Variants in DOC2B observed in about 807,000 individuals in gnomAD.
The protein encoded by DOC2B is double C2-like domain-containing protein beta.
DOC2B carries 21 observed loss-of-function variants against 28.9 expected under a neutral mutation model. That is an observed-to-expected ratio of 0.73 (90% CI 0.52 to 1.05). The LOEUF is 1.05. Among genes scored for constraint, DOC2B ranks in the 50% least tolerant of loss-of-function variants. The probability of loss-of-function intolerance (pLI) is 0.00; values close to 1 mark genes in which losing one functional copy is unlikely to be tolerated. For missense variants in DOC2B, 384 were observed against 421.1 expected (o/e 0.91, Z 0.77); for synonymous variants, 194 against 178.1 (o/e 1.09, Z -0.71).
chr17:147,826 G>A (rs2040032270), intron 8 of DOC2B, among the ~76,000 whole-genome samples: 1 of 152,220 alleles, frequency 6.6e-6, no homozygotes, highest in Admixed American at 6.5e-5. Flanking sequence ...CAAGGAATGG[G>A]GGCCTGAAGA....
intron 5 of DOC2B, 130 bp downstream of exon 5, chr17:161,285 G>T: frequency 1.0e-6 from 1 of 982,566 alleles, no homozygotes; most frequent in Non-Finnish European, 1.5e-6. Flanking sequence ...GACTCTCCAT[G>T]CTCACCTCCC....
intron 2 of DOC2B, among the ~76,000 whole-genome samples, chr17:170,578 A>G (rs1339426392): frequency 2.0e-5 from 3 of 152,180 alleles, no homozygotes; most frequent in African/African-American, 2.4e-5. Context: ...GGGCTGGCTC[A>G]GGCCCTTACA....
intron 6 of DOC2B, 149 bp downstream of exon 6, chr17:156,071 G>A: frequency 2.4e-6 from 2 of 845,984 alleles, no homozygotes; most frequent in Admixed American, 3.2e-5. Context: ...AACCCCTGGA[G>A]TTGCCAAGGT....
chr17:174,881 G>A (rs1052644743), intron 1 of DOC2B, among the ~76,000 whole-genome samples: 6 of 152,218 alleles, frequency 3.9e-5, no homozygotes, highest in African/African-American at 1.4e-4. Context: ...CAGTTTGGGA[G>A]GCCGAAGCAG....
At chr17:157,362 C>A (rs993383965) in intron 5 of DOC2B, among the ~76,000 whole-genome samples, 1 of 152,184 alleles carries the variant, frequency 6.6e-6, no homozygotes, top group Non-Finnish European at 1.5e-5. Context: ...GTCCCCTCTG[C>A]GCGCCCACTG....
Position 181,173 on chromosome 17 carries a change from C to A in DOC2B, c.307G>T (p.Ala103Ser), listed in dbSNP as rs2040437973. ...TCCGGCGGCTTGGCTGGCGGCCGCG[C>A]GGGGCTGGGACCCGGGCTGGGGCCC... ...SPGPSPGPSPARPPAKPPEDE... is the reference protein window; with the variant it reads ...SPGPSPGPSPSRPPAKPPEDE... Residue 103 changes from alanine to serine, a missense_variant, in exon 1 of 9, where the codon GCG becomes TCG. Coordinates refer to ENST00000613549, the MANE Select transcript of DOC2B (RefSeq NM_003585.5). The surrounding 1 kb of genome is among the most constrained non-coding windows in gnomAD (Gnocchi z 7.0). 1 of 1,251,878 alleles carries A rather than the reference C, an allele frequency of 8.0e-7. No individual in the cohort carries two copies. The highest frequency in any genetic ancestry group is 1.0e-6 in the Non-Finnish European group (1 of 999,232). 77.5% of individuals were successfully genotyped at this position (1,251,878 alleles called of 1,614,324 possible).
chr17:158,121 GC>G (rs1555522783), intron 5 of DOC2B, among the ~76,000 whole-genome samples: 1 of 152,164 alleles, frequency 6.6e-6, no homozygotes, highest in Non-Finnish European at 1.5e-5. Flanking sequence ...AGCTGCCAGT[GC>G]CTGCCTCTCA....
chr17:165,309 C>T (rs1193025749), intron 2 of DOC2B, among the ~76,000 whole-genome samples: 5 of 151,696 alleles, frequency 3.3e-5, no homozygotes, highest in Admixed American at 2.6e-4. Context: ...CAGTAAGACC[C>T]TGTCTCTTCA....
At chr17:154,426 T>G (rs7219997) in intron 6 of DOC2B, among the ~76,000 whole-genome samples, 16 of 117,134 alleles carry the variant, frequency 1.4e-4, no homozygotes, top group Non-Finnish European at 2.1e-4. Context: ...CTCCTTCTTA[T>G]GACTGATATT....
intron 2 of DOC2B, 84 bp downstream of exon 2, chr17:172,453 G>T: frequency 1.8e-6 from 2 of 1,092,228 alleles, no homozygotes; most frequent in Non-Finnish European, 2.7e-6. Context: ...GGAACCTGGG[G>T]AGTGGTGTGG....
chr17:168,972 G>A (rs1014835166), intron 2 of DOC2B, among the ~76,000 whole-genome samples: 6 of 152,138 alleles, frequency 3.9e-5, no homozygotes, highest in South Asian at 4.1e-4. Context: ...GGGTGGAAGC[G>A]GCCCCGGGGG....
Position 181,090 on chromosome 17 carries a change from G to T in DOC2B, c.373+17C>A. The T allele has an allele frequency of 8.1e-7, 1 of 1,238,196 alleles. No homozygotes were observed. The highest frequency in any genetic ancestry group is 1.0e-6 in the Non-Finnish European group (1 of 988,984). 76.7% of individuals were successfully genotyped at this position (1,238,196 alleles called of 1,614,324 possible). On this transcript the variant is annotated intron_variant, in intron 1 of 8. Transcript: ENST00000613549. This position sits in a 1 kb window ranked among gnomAD's most constrained non-coding sequence, Gnocchi z 7.0. ...AGCCAGGGGAGGGGGCGCGAAGTCG[G>T]CGCGTGGGAAACTTACTGCAGTCGT...
At chr17:162,675 C>T (rs949596343) in intron 3 of DOC2B, among the ~76,000 whole-genome samples, 2 of 152,232 alleles carry the variant, frequency 1.3e-5, no homozygotes, top group African/African-American at 2.4e-5. Flanking sequence ...AGAGTAAACG[C>T]GCTGCTTTAA....
chr17:153,764 C>A (rs770687791), intron 6 of DOC2B, among the ~76,000 whole-genome samples: 1 of 151,842 alleles, frequency 6.6e-6, no homozygotes, highest in Non-Finnish European at 1.5e-5. Flanking sequence ...GATATATACG[C>A]GTGAAATTCA....
chr17:161,327 A>C lies in DOC2B; in HGVS notation c.765+88T>G, dbSNP rs1313358623. On this transcript the variant is annotated intron_variant, in intron 5 of 8. Transcript: ENST00000613549. ...CCCCTCCCCTCTCACTCTGCCCCTC[A>C]TGAGTCCCATCACAGGCAGGAAGTT... The C allele has an allele frequency of 6.6e-6, 9 of 1,368,024 alleles. No individual in the cohort carries two copies. The East Asian group carries it at 2.3e-4, about 34-fold the overall frequency. The allele number at this position is 1,368,024 out of a possible 1,614,324, so 84.7% of individuals were successfully genotyped here.
At chr17:150,573 A>G (rs191758786) in intron 6 of DOC2B, among the ~76,000 whole-genome samples, 14 of 152,340 alleles carry the variant, frequency 9.2e-5, no homozygotes, top group Admixed American at 7.9e-4. Flanking sequence ...GCAGAAAATG[A>G]TATCTCATAG....
rs1263107587 is a variant in DOC2B, at chr17:144,198, G to C, written c.*3243C>G. 1.3e-5 allele frequency: 2 copies of C among 152,362 alleles called. No homozygotes were observed. The highest frequency in any genetic ancestry group is 4.8e-5 in the African/African-American group (2 of 41,322). 9.4% of individuals were successfully genotyped at this position (152,362 alleles called of 1,614,324 possible). ...CTGTCTTTGTGGGGATGATGGACCC[G>C]AGTAAAGATGCCCATTCGGGGTCAA... On this transcript the variant is annotated 3_prime_UTR_variant, in exon 9 of 9. Transcript: ENST00000613549.
chr17:165,186 T>C (rs1331306471), intron 2 of DOC2B, among the ~76,000 whole-genome samples: 2 of 151,864 alleles, frequency 1.3e-5, no homozygotes, highest in East Asian at 3.9e-4. Context: ...ATGAGTTACT[T>C]TGCACGCTAA....
At chr17:161,633 C>T (rs1479129918) in intron 4 of DOC2B, 92 bp from the exon 5 acceptor site, 1 of 1,523,472 alleles carries the variant, frequency 6.6e-7, no homozygotes, top group Non-Finnish European at 8.8e-7. Flanking sequence ...CCTGGCTTCT[C>T]CTGCCCCAAG....
Sources: gnomAD v4.1 joint callset for allele counts (sites outside exome capture counted in the v4.1 genomes callset) on GRCh38, gnomAD v4.1.1 for gene constraint, Gnocchi (gnomAD v3.1) non-coding constraint, MANE v1.5 for transcripts, NCBI Gene and HGNC (gene_info 2026-07-23, HGNC 2026-07-21) for gene names.